CUX2: variants seen among roughly 807,000 people sequenced by gnomAD.
CUX2 encodes homeobox protein cut-like 2.
A neutral mutation model predicts 144.8 loss-of-function variants in CUX2; 40 were observed. The observed-to-expected ratio is 0.28, with a 90% CI of 0.21 to 0.36. The LOEUF (loss-of-function observed/expected upper bound fraction) is 0.36. Ranked by LOEUF, CUX2 falls within the 10% of genes least tolerant of loss-of-function variation. The probability of loss-of-function intolerance (pLI) is 1.00; values close to 1 mark genes in which losing one functional copy is unlikely to be tolerated. For missense variants in CUX2, 1,615 were observed against 1,994.0 expected, an observed-to-expected ratio of 0.81 and a Z score of 3.62; for synonymous variants, 827 against 875.6, an observed-to-expected ratio of 0.94 and a Z score of 0.98.
intron 16 of CUX2, among the ~76,000 whole-genome samples, chr12:111,315,072 C>CAGTA (rs1565912943): frequency 1.3e-5 from 2 of 151,980 alleles, no homozygotes; most frequent in Non-Finnish European, 2.9e-5. Context: ...ATGGGCCAGC[C>CAGTA]AGTAGTCTTA....
chr12:111,284,781 C>T (rs936303344), intron 4 of CUX2, among the ~76,000 whole-genome samples: 3 of 152,218 alleles, frequency 2.0e-5, no homozygotes, highest in African/African-American at 7.2e-5. Context: ...ACGCTTTCAC[C>T]TCGTGCAGCT....
chr12:111,192,060 C>T (rs1566285571), intron 1 of CUX2, among the ~76,000 whole-genome samples: 1 of 152,170 alleles, frequency 6.6e-6, no homozygotes, highest in Non-Finnish European at 1.5e-5. Flanking sequence ...GCAATAGAGG[C>T]CCACGCATGC....
chr12:111,223,336 T>G (rs1236350931), intron 3 of CUX2, among the ~76,000 whole-genome samples: 6 of 152,120 alleles, frequency 3.9e-5, no homozygotes. Flanking sequence ...TCCCAGAGGT[T>G]CTATTTGTTT....
At position 111,295,537 on chromosome 12, in the gene CUX2, T is replaced by G; in HGVS notation, c.637+128T>G. The G allele has an allele frequency of 1.3e-6, 1 of 750,196 alleles. No homozygotes were observed. The allele number at this position is 750,196 out of a possible 1,614,324, so 46.5% of individuals were successfully genotyped here. ...GAATCAAGAGGGCAAAATGGGAGTT[T>G]GGGAAGAATAATCTTACCCAGTGGG... On this transcript the variant is annotated intron_variant, in intron 7 of 21. Transcript: ENST00000261726. The surrounding 1 kb of genome is among the most constrained non-coding windows in gnomAD (Gnocchi z 5.0).
At chr12:111,286,715 A>G (rs756440163) in intron 4 of CUX2, among the ~76,000 whole-genome samples, 2 of 152,064 alleles carry the variant, frequency 1.3e-5, no homozygotes, top group African/African-American at 2.4e-5. Context: ...TCTACTGAAG[A>G]TACAAAAATT....
intron 1 of CUX2, among the ~76,000 whole-genome samples, chr12:111,045,498 G>A (rs1347516418): frequency 6.6e-6 from 1 of 152,246 alleles, no homozygotes; most frequent in Non-Finnish European, 1.5e-5. Context: ...ATCGTGAGAA[G>A]TAGAAAGTGA....
At chr12:111,249,448 T>G (rs1316700242) in intron 3 of CUX2, among the ~76,000 whole-genome samples, 9 of 125,438 alleles carry the variant, frequency 7.2e-5, no homozygotes, top group African/African-American at 2.3e-4. Context: ...TTTTTTTGTT[T>G]TTTTTTTTTT....
At chr12:111,142,742 G>A (rs919610961) in intron 1 of CUX2, among the ~76,000 whole-genome samples, 1 of 152,128 alleles carries the variant, frequency 6.6e-6, no homozygotes, top group Admixed American at 6.5e-5. Flanking sequence ...TTGCTGGTTG[G>A]GATGAATCGA....
At chr12:111,176,119 AC>A (rs1878846843) in intron 1 of CUX2, among the ~76,000 whole-genome samples, 1 of 142,974 alleles carries the variant, frequency 7.0e-6, no homozygotes, top group Non-Finnish European at 1.5e-5. Flanking sequence ...TGATGCGATC[AC>A]AGCTCACTGC....
At chr12:111,041,506 G>C (rs1419395111) in intron 1 of CUX2, among the ~76,000 whole-genome samples, 1 of 152,208 alleles carries the variant, frequency 6.6e-6, no homozygotes. Flanking sequence ...ATTGCAGACG[G>C]GGAGCTATGT....
intron 1 of CUX2, among the ~76,000 whole-genome samples, chr12:111,135,497 T>C (rs936713930): frequency 6.6e-6 from 1 of 152,088 alleles, no homozygotes; most frequent in African/African-American, 2.4e-5. Flanking sequence ...CCCAAAAAAA[T>C]TGAAAACAGG....
At chr12:111,234,110 C>A (rs747547234) in intron 3 of CUX2, among the ~76,000 whole-genome samples, 1 of 152,142 alleles carries the variant, frequency 6.6e-6, no homozygotes, top group Non-Finnish European at 1.5e-5. Context: ...ACATTATATG[C>A]CCAAGAGTGG....
chr12:111,094,012 C>T lies in CUX2; in HGVS notation c.63+59772C>T, dbSNP rs117477896. Among the ~76,000 whole-genome samples the T allele has an allele frequency of 3.3e-3, 500 of 152,304 alleles. 2 individuals are homozygous for T. The highest frequency in any genetic ancestry group is 5.7e-3 in the Non-Finnish European group (388 of 68,028). ...GGGGAAAAATGCATAACTGCACTTT[C>T]TTCAGAAGCCTTGCGAGGCTGTTTA... On this transcript the variant is annotated intron_variant, in intron 1 of 21. Coordinates refer to ENST00000261726, the MANE Select transcript of CUX2 (RefSeq NM_015267.4).
chr12:111,268,773 G>A (rs1490540787), intron 4 of CUX2, among the ~76,000 whole-genome samples: 1 of 152,222 alleles, frequency 6.6e-6, no homozygotes, highest in African/African-American at 2.4e-5. Context: ...TCTCATCAGT[G>A]ATATCTAGAA....
chr12:111,133,292 A>G (rs1030241225), intron 1 of CUX2, among the ~76,000 whole-genome samples: 6 of 152,074 alleles, frequency 3.9e-5, no homozygotes, highest in African/African-American at 1.4e-4. Flanking sequence ...ACTGGTACCA[A>G]TTTACTATAT....
At chr12:111,200,536 G>A (rs1880513773) in intron 1 of CUX2, among the ~76,000 whole-genome samples, 1 of 152,018 alleles carries the variant, frequency 6.6e-6, no homozygotes, top group Admixed American at 6.5e-5. Flanking sequence ...GCTAGGATGG[G>A]AGCTTCTGTC....
Position 111,114,259 on chromosome 12 carries a change from T to C in CUX2, c.63+80019T>C, listed in dbSNP as rs145664263. Reference sequence around the variant, plus strand: ...GCTCACCAGCATTTGATATTATCATTTTTTTTTCTTTTTCAATTTTATGCA... The same window carrying C: ...GCTCACCAGCATTTGATATTATCATCTTTTTTTCTTTTTCAATTTTATGCA... On this transcript the variant is annotated intron_variant, in intron 1 of 21. Coordinates refer to ENST00000261726, the MANE Select transcript of CUX2 (RefSeq NM_015267.4). Among the ~76,000 whole-genome samples, 506 of 151,790 alleles carry C rather than the reference T, an allele frequency of 3.3e-3. 6 individuals are homozygous for C. The highest frequency in any genetic ancestry group is 0.028 in the South Asian group (137 of 4,816).
At chr12:111,343,625 C>T (rs897743996) in intron 21 of CUX2, among the ~76,000 whole-genome samples, 27 of 152,144 alleles carry the variant, frequency 1.8e-4, no homozygotes, top group African/African-American at 6.5e-4. Flanking sequence ...GAGTCCATAC[C>T]CTCTCTCAGT....
intron 21 of CUX2, among the ~76,000 whole-genome samples, chr12:111,346,008 G>A (rs1393444547): frequency 1.3e-5 from 2 of 151,114 alleles, no homozygotes; most frequent in Non-Finnish European, 2.9e-5. Context: ...AGGAGGCTGA[G>A]TCAGGAGAAT....
Sources: gnomAD v4.1 joint callset for allele counts (sites outside exome capture counted in the v4.1 genomes callset) on GRCh38, gnomAD v4.1.1 for gene constraint, Gnocchi (gnomAD v3.1) non-coding constraint, MANE v1.5 for transcripts, NCBI Gene and HGNC (gene_info 2026-07-23, HGNC 2026-07-21) for gene names.